RABGAP1L: variants seen among roughly 807,000 people sequenced by gnomAD.
RABGAP1L encodes the protein RAB GTPase activating protein 1 like.
In RABGAP1L, 63 loss-of-function variants were observed where a neutral mutation model predicts 137.7. The ratio of observed to expected loss-of-function variants is 0.46; its 90% CI spans 0.37 to 0.56. The LOEUF (loss-of-function observed/expected upper bound fraction) is 0.56, where lower values mean the gene tolerates loss of function less well. RABGAP1L is among the 20% of genes least tolerant of loss of function. RABGAP1L has a pLI of 0.00. For missense variants in RABGAP1L, 1,095 were observed against 1,244.0 expected, an observed-to-expected ratio of 0.88 and a Z score of 1.80; for synonymous variants, 431 against 433.7, an observed-to-expected ratio of 0.99 and a Z score of 0.08.
intron 14 of RABGAP1L, among the ~76,000 whole-genome samples, chr1:174,643,916 G>GGGGTGTGTGT (rs1553224198): frequency 4.8e-5 from 7 of 145,614 alleles, no homozygotes; most frequent in Non-Finnish European, 7.6e-5. Flanking sequence ...CTTATATAGG[G>GGGGTGTGTGT]GTGTGTGTGT....
At chr1:174,218,520 G>A (rs1483712160) in intron 1 of RABGAP1L, among the ~76,000 whole-genome samples, 2 of 152,094 alleles carry the variant, frequency 1.3e-5, no homozygotes, top group African/African-American at 4.8e-5. Context: ...TATTTGCTAC[G>A]TGAAGGCAAT....
At chr1:174,988,562 A>T in intron 24 of RABGAP1L, 79 bp from the exon 25 acceptor site, 1 of 1,255,974 alleles carries the variant, frequency 8.0e-7, no homozygotes, top group African/African-American at 1.6e-5. Context: ...GCAGCATCTA[A>T]AAAAGTCATA....
At chr1:174,252,709 A>G in intron 7 of RABGAP1L, 119 bp downstream of exon 7, 1 of 1,396,892 alleles carries the variant, frequency 7.2e-7, no homozygotes. Context: ...AAATGAGGAT[A>G]ATTAATAATA....
In RABGAP1L at chr1:174,596,297, A is replaced by C. The variant is rs553133561; in HGVS notation, c.1711-41078A>C. ...AACCCGGTACCTCAGATGGAAATGC[A>C]GAAATCACCCGTCTTCTGCGTGGCT... On this transcript the variant is annotated intron_variant, in intron 13 of 25. Transcript: ENST00000681986. Among the ~76,000 whole-genome samples the C allele has an allele frequency of 3.8e-3, 583 of 151,484 alleles. 2 individuals are homozygous for C. The highest frequency in any genetic ancestry group is 0.013 in the African/African-American group (551 of 41,130).
At chr1:174,399,861 A>G (rs376328673) in intron 13 of RABGAP1L, among the ~76,000 whole-genome samples, 14 of 152,176 alleles carry the variant, frequency 9.2e-5, no homozygotes, top group African/African-American at 3.1e-4. Context: ...TGATTCGGTT[A>G]TCTCCACCTG....
chr1:174,181,611 A>G (rs1040031861), intron 1 of RABGAP1L, among the ~76,000 whole-genome samples: 3 of 152,136 alleles, frequency 2.0e-5, no homozygotes, highest in African/African-American at 7.2e-5. Flanking sequence ...TGTTGGGATT[A>G]CAGGCGTGAG....
chr1:174,383,518 A>T (rs536663539), intron 12 of RABGAP1L, among the ~76,000 whole-genome samples: 113 of 152,244 alleles, frequency 7.4e-4, no homozygotes, highest in Non-Finnish European at 1.0e-3. Context: ...GCCGGTCTGG[A>T]AAGGGCAATA....
intron 17 of RABGAP1L, among the ~76,000 whole-genome samples, chr1:174,725,975 A>G (rs1681950697): frequency 6.6e-6 from 1 of 152,060 alleles, no homozygotes; most frequent in Non-Finnish European, 1.5e-5. Context: ...CTTAAAGTAT[A>G]ATAATAATAA....
chr1:174,915,335 A>C (rs1407520576), intron 19 of RABGAP1L, among the ~76,000 whole-genome samples: 1 of 152,152 alleles, frequency 6.6e-6, no homozygotes, highest in African/African-American at 2.4e-5. Flanking sequence ...ACAACACTTG[A>C]TGTCAATCAT....
intron 19 of RABGAP1L, among the ~76,000 whole-genome samples, chr1:174,893,487 GAA>G (rs1263987478): frequency 6.6e-6 from 1 of 151,958 alleles, no homozygotes; most frequent in Non-Finnish European, 1.5e-5. Context: ...TAGGAAGAAA[GAA>G]AAAAACAAAA....
chr1:174,767,367 G>T (rs1016877231), intron 18 of RABGAP1L, among the ~76,000 whole-genome samples: 5 of 152,124 alleles, frequency 3.3e-5, no homozygotes, highest in South Asian at 2.1e-4. Flanking sequence ...AATTTTTTTT[G>T]ATGATACTTT....
chr1:174,386,474 GGT>G (rs370769823), intron 12 of RABGAP1L, among the ~76,000 whole-genome samples: 68 of 149,950 alleles, frequency 4.5e-4, no homozygotes, highest in Non-Finnish European at 7.4e-4. Flanking sequence ...GCCAGAACAG[GGT>G]GTGTGTGTGT....
At chr1:174,717,066 A>G (rs1160062456) in intron 17 of RABGAP1L, among the ~76,000 whole-genome samples, 1 of 152,144 alleles carries the variant, frequency 6.6e-6, no homozygotes, top group African/African-American at 2.4e-5. Flanking sequence ...AGTGTTTATC[A>G]TCTCTGTTAC....
At chr1:174,244,054 C>T (rs1352398064) in intron 5 of RABGAP1L, among the ~76,000 whole-genome samples, 2 of 152,228 alleles carry the variant, frequency 1.3e-5, no homozygotes, top group African/African-American at 4.8e-5. Context: ...CTCTGCCCTA[C>T]AAAATAATTA....
At chr1:174,928,139 G>A (rs1374492305) in intron 19 of RABGAP1L, among the ~76,000 whole-genome samples, 7 of 151,946 alleles carry the variant, frequency 4.6e-5, no homozygotes, top group South Asian at 4.1e-4. Context: ...CCACTGATTC[G>A]CCAGCAAATC....
chr1:174,639,639 C>T (rs963281046), intron 14 of RABGAP1L, among the ~76,000 whole-genome samples: 2 of 152,008 alleles, frequency 1.3e-5, no homozygotes, highest in African/African-American at 4.8e-5. Context: ...CTTCACATAA[C>T]TAAAACAGAT....
chr1:174,814,481 G>A (rs1690178056), intron 19 of RABGAP1L, among the ~76,000 whole-genome samples: 1 of 152,030 alleles, frequency 6.6e-6, no homozygotes, highest in Non-Finnish European at 1.5e-5. Context: ...AAAGAAGGAA[G>A]ACATAAGTCA....
intron 13 of RABGAP1L, among the ~76,000 whole-genome samples, chr1:174,567,956 A>G (rs1263647980): frequency 1.3e-5 from 2 of 152,196 alleles, no homozygotes; most frequent in Non-Finnish European, 2.9e-5. Context: ...AATCTATAAT[A>G]TGTGGATATG....
At chr1:174,853,905 G>GGCA (rs778820279) in intron 19 of RABGAP1L, among the ~76,000 whole-genome samples, 75 of 152,218 alleles carry the variant, frequency 4.9e-4, no homozygotes, top group Non-Finnish European at 3.7e-4. Context: ...GTTTTCCTCT[G>GGCA]GCATGTTTAT....
Sources: gnomAD v4.1 joint callset for allele counts (sites outside exome capture counted in the v4.1 genomes callset) on GRCh38, gnomAD v4.1.1 for gene constraint, MANE v1.5 for transcripts, NCBI Gene and HGNC (gene_info 2026-07-23, HGNC 2026-07-21) for gene names.